MRLN: variants seen among roughly 807,000 people sequenced by gnomAD.
MRLN encodes myoregulin.
chr10:59,737,212 T>C lies in MRLN; in HGVS notation c.-12A>G, dbSNP rs1047919809. ...TTTTTACCAGTCATATCCAGAATTA[T>C]CCCGCTCCCTAGGAAAAAAGAGAAA... On this transcript the variant is annotated 5_prime_UTR_variant, in exon 3 of 3. Coordinates refer to ENST00000414264, the MANE Select transcript of MRLN (RefSeq NM_001304731.2). The C allele has an allele frequency of 1.8e-5, 7 of 396,640 alleles. No homozygotes were observed. Among genetic ancestry groups the C allele is most frequent in the East Asian group, 3.6e-5 (1 of 27,880 alleles). 24.6% of individuals were successfully genotyped at this position (396,640 alleles called of 1,614,324 possible).
chr10:59,737,088 G>A lies in MRLN; in HGVS notation c.113C>T (p.Ser38Phe). The stretch of plus-strand genomic sequence containing the variant: ...AGAAGTTATCACAACATATATAATA[G>A]AAATTAAGTCAACAAAGATAACAAA... The part of the protein sequence containing the change: ...ILFVIFVDLI[S>F]IIYVVITS Residue 38 changes from serine (S) to phenylalanine (F), a missense_variant, in exon 3 of 3, where the codon TCT (serine) becomes TTT (phenylalanine). Coordinates refer to ENST00000414264, the MANE Select transcript of MRLN (RefSeq NM_001304731.2). The A allele has an allele frequency of 2.5e-6, 1 of 397,522 alleles. No individual in the cohort carries two copies. Among genetic ancestry groups the A allele is most frequent in the Non-Finnish European group, 4.4e-6 (1 of 225,166 alleles). 24.6% of individuals were successfully genotyped at this position (397,522 alleles called of 1,614,324 possible).
chr10:59,742,693 T>C (rs978709536), intron 1 of MRLN, among the ~76,000 whole-genome samples: 3 of 151,716 alleles, frequency 2.0e-5, no homozygotes, highest in African/African-American at 7.3e-5. Flanking sequence ...TCCTTCCCTT[T>C]CTTTTCCTTC....
chr10:59,748,482 A>G (rs1841064924), intron 1 of MRLN, among the ~76,000 whole-genome samples: 1 of 152,224 alleles, frequency 6.6e-6, no homozygotes, highest in Non-Finnish European at 1.5e-5. Flanking sequence ...TAAATAATGC[A>G]TATGGCTGTA....
At chr10:59,740,837 G>C (rs755535725) in intron 1 of MRLN, among the ~76,000 whole-genome samples, 5 of 139,296 alleles carry the variant, frequency 3.6e-5, no homozygotes, top group African/African-American at 1.3e-4. Flanking sequence ...CTCTCTTATC[G>C]CCCAGGCTGG....
intron 1 of MRLN, among the ~76,000 whole-genome samples, chr10:59,742,617 A>G (rs979423464): frequency 6.6e-6 from 1 of 152,138 alleles, no homozygotes; most frequent in Non-Finnish European, 1.5e-5. Flanking sequence ...ACTGTTTATT[A>G]AACTGTACAT....
At chr10:59,744,412 C>G (rs921429850) in intron 1 of MRLN, among the ~76,000 whole-genome samples, 1 of 151,358 alleles carries the variant, frequency 6.6e-6, no homozygotes, top group Non-Finnish European at 1.5e-5. Flanking sequence ...GAAGTGAGGA[C>G]CCCCTCCGCC....
intron 1 of MRLN, among the ~76,000 whole-genome samples, chr10:59,745,234 A>G (rs1215794699): frequency 6.6e-6 from 1 of 152,196 alleles, no homozygotes; most frequent in Non-Finnish European, 1.5e-5. Context: ...TCAGGATGAA[A>G]TATTTCCTAG....
chr10:59,743,998 G>C (rs556807273), intron 1 of MRLN, among the ~76,000 whole-genome samples: 23 of 152,254 alleles, frequency 1.5e-4, no homozygotes, highest in African/African-American at 4.8e-4. Flanking sequence ...GCAGTGGCGT[G>C]ATCTCGGCTC....
At chr10:59,739,567 AT>A (rs1169428574) in intron 1 of MRLN, 1 of 152,156 alleles carries the variant, frequency 6.6e-6, no homozygotes, top group South Asian at 2.1e-4. Context: ...TTTTCAAAAT[AT>A]TTTCAATCTG....
chr10:59,750,998 G>A (rs1333242267), intron 1 of MRLN, among the ~76,000 whole-genome samples: 3 of 152,148 alleles, frequency 2.0e-5, no homozygotes, highest in Non-Finnish European at 2.9e-5. Context: ...GGAAATCTCT[G>A]GACTTTTTTG....
chr10:59,746,858 T>C (rs916082813), intron 1 of MRLN, among the ~76,000 whole-genome samples: 1 of 152,228 alleles, frequency 6.6e-6, no homozygotes, highest in Non-Finnish European at 1.5e-5. Flanking sequence ...AATGGCACGA[T>C]GTCGGCTCAC....
At chr10:59,739,937 C>G (rs972778265) in intron 1 of MRLN, among the ~76,000 whole-genome samples, 39 of 151,912 alleles carry the variant, frequency 2.6e-4, no homozygotes, top group Non-Finnish European at 2.8e-4. Context: ...ACTAAAAATA[C>G]AAAAATTAGC....
intron 1 of MRLN, among the ~76,000 whole-genome samples, chr10:59,748,053 T>C (rs1158143388): frequency 6.7e-6 from 1 of 149,652 alleles, no homozygotes; most frequent in African/African-American, 2.4e-5. Flanking sequence ...ACTTGAGAAA[T>C]CATATGAGAA....
intron 1 of MRLN, among the ~76,000 whole-genome samples, chr10:59,743,757 C>A (rs1459668377): frequency 6.6e-6 from 1 of 152,182 alleles, no homozygotes; most frequent in African/African-American, 2.4e-5. Flanking sequence ...CTCACTGCAA[C>A]CTCCCTGCCT....
chr10:59,736,994 G>A lies in MRLN; in HGVS notation c.*66C>T, dbSNP rs1840931296. On this transcript the variant is annotated 3_prime_UTR_variant, in exon 3 of 3. Transcript: ENST00000414264. Reference sequence around the variant, plus strand: ...TCATAAAATGTGAGTCACTCAACAAGTTAAAATACAAATTTTTATTCACTG... The same window carrying A: ...TCATAAAATGTGAGTCACTCAACAAATTAAAATACAAATTTTTATTCACTG... 2 of 386,988 alleles carry A rather than the reference G, an allele frequency of 5.2e-6. No individual in the cohort carries two copies. Among genetic ancestry groups the A allele is most frequent in the Non-Finnish European group, 9.2e-6 (2 of 218,340 alleles). The allele number at this position is 386,988 out of a possible 1,614,324, so 24.0% of individuals were successfully genotyped here.
chr10:59,745,453 T>TTTTTTTTTTTG, intron 1 of MRLN, among the ~76,000 whole-genome samples: 1 of 151,880 alleles, frequency 6.6e-6, no homozygotes. Context: ...AGATTTTTTT[T>TTTTTTTTTTTG]ATGTTGAAAC....
At chr10:59,748,552 A>G (rs762388180) in intron 1 of MRLN, among the ~76,000 whole-genome samples, 1 of 152,232 alleles carries the variant, frequency 6.6e-6, no homozygotes. Context: ...ACATGATCTC[A>G]GGTCAATTAT....
intron 1 of MRLN, among the ~76,000 whole-genome samples, chr10:59,740,317 A>G (rs1340917580): frequency 6.6e-6 from 1 of 152,104 alleles, no homozygotes; most frequent in Non-Finnish European, 1.5e-5. Flanking sequence ...TGTATTGACT[A>G]TACTATACTT....
intron 1 of MRLN, among the ~76,000 whole-genome samples, chr10:59,746,512 G>T (rs1459883969): frequency 6.6e-6 from 1 of 152,126 alleles, no homozygotes; most frequent in African/African-American, 2.4e-5. Context: ...CTTTTGAAAA[G>T]ATCTACATTA....
Sources: gnomAD v4.1 joint callset for allele counts (sites outside exome capture counted in the v4.1 genomes callset) on GRCh38, gnomAD v4.1.1 for gene constraint, MANE v1.5 for transcripts, NCBI Gene and HGNC (gene_info 2026-07-23, HGNC 2026-07-21) for gene names.